DIP2C: variants seen among roughly 807,000 people sequenced by gnomAD.
DIP2C encodes disco-interacting protein 2 homolog C.
A neutral mutation model predicts 192.4 loss-of-function variants in DIP2C; 33 were observed. That is an observed-to-expected ratio of 0.17 (90% CI 0.13 to 0.23). The LOEUF is 0.23. DIP2C is among the 10% of genes least tolerant of loss of function. The probability of loss-of-function intolerance (pLI) is 1.00; values close to 1 mark genes in which losing one functional copy is unlikely to be tolerated. For synonymous variants in DIP2C, 979 were observed against 864.1 expected, an observed-to-expected ratio of 1.13 and a Z score of -2.33; for missense variants, 1,537 against 2,110.1, an observed-to-expected ratio of 0.73 and a Z score of 5.32.
intron 1 of DIP2C, among the ~76,000 whole-genome samples, chr10:492,538 A>G (rs1844520940): frequency 6.6e-6 from 1 of 152,236 alleles, no homozygotes; most frequent in Non-Finnish European, 1.5e-5. Flanking sequence ...CTTAATAAAA[A>G]ACATTATTTA....
At chr10:639,093 CCGT>C (rs1854991843) in intron 1 of DIP2C, among the ~76,000 whole-genome samples, 1 of 118,754 alleles carries the variant, frequency 8.4e-6, no homozygotes, top group African/African-American at 3.0e-5. Flanking sequence ...ACAAGGGGAC[CCGT>C]CAGGTCGGGA....
At chr10:668,718 GCA>G (rs1263384673) in intron 1 of DIP2C, 2 of 152,194 alleles carry the variant, frequency 1.3e-5, no homozygotes, top group Non-Finnish European at 1.5e-5. Context: ...AACAGCACAT[GCA>G]CAGTTTCTAA....
intron 1 of DIP2C, among the ~76,000 whole-genome samples, chr10:538,065 C>T (rs139872658): frequency 1.6e-3 from 242 of 151,912 alleles, no homozygotes; most frequent in African/African-American, 5.5e-3. Context: ...GCTGGGATAA[C>T]AGCCACGAGC....
chr10:623,260 C>T (rs1489808537), intron 1 of DIP2C, among the ~76,000 whole-genome samples: 2 of 150,034 alleles, frequency 1.3e-5, no homozygotes, highest in Admixed American at 6.6e-5. Flanking sequence ...CAGGAACGGG[C>T]GCAGGCATCT....
At chr10:444,930 T>C (rs1350229807) in intron 3 of DIP2C, among the ~76,000 whole-genome samples, 1 of 152,276 alleles carries the variant, frequency 6.6e-6, no homozygotes, top group African/African-American at 2.4e-5. Context: ...CATCTCTCCT[T>C]GGTGAACATC....
At chr10:367,200 A>G (rs181809607) in intron 18 of DIP2C, among the ~76,000 whole-genome samples, 1,918 of 152,182 alleles carry the variant, frequency 0.013, 47 homozygotes, top group East Asian at 0.071. Flanking sequence ...GGCGGATCAC[A>G]AGGTCAGGAG....
intron 1 of DIP2C, among the ~76,000 whole-genome samples, chr10:687,701 C>T (rs1257400811): frequency 6.6e-6 from 1 of 152,224 alleles, no homozygotes; most frequent in Admixed American, 6.5e-5. Context: ...GGCAGCAAGA[C>T]AGTATCACTC....
intron 1 of DIP2C, among the ~76,000 whole-genome samples, chr10:584,439 A>T (rs1219001501): frequency 6.7e-6 from 1 of 148,444 alleles, no homozygotes; most frequent in African/African-American, 2.5e-5. Context: ...CCTGACCCCC[A>T]CTCACGCGCA....
At chr10:416,354 G>C (rs1223142658) in intron 6 of DIP2C, among the ~76,000 whole-genome samples, 1 of 151,980 alleles carries the variant, frequency 6.6e-6, no homozygotes, top group Non-Finnish European at 1.5e-5. Flanking sequence ...ATGGAGGCAC[G>C]AGAACATCGG....
chr10:468,719 CCA>C (rs1970410008), intron 3 of DIP2C, among the ~76,000 whole-genome samples: 1 of 152,108 alleles, frequency 6.6e-6, no homozygotes, highest in Admixed American at 6.5e-5. Context: ...CTGTGTCACA[CCA>C]CAGAGATCAC....
rs376910490 is a variant in DIP2C at position 323,676 on chromosome 10, CTG to C, written c.3924+3328_3924+3329del. On this transcript the variant is annotated intron_variant, in intron 31 of 36. Transcript: ENST00000280886. ...TATCTCAGGGTAGATGGGTTTATGA[CTG>C]TTATTTATAAGCTAAAGTGTATTTT... Among the ~76,000 whole-genome samples, 239 of 152,230 alleles carry C rather than the reference CTG, an allele frequency of 1.6e-3. 2 individuals are homozygous for C. The highest frequency in any genetic ancestry group is 4.7e-3 in the African/African-American group (194 of 41,520).
intron 1 of DIP2C, among the ~76,000 whole-genome samples, chr10:571,314 T>TC (rs1373390520): frequency 6.6e-6 from 1 of 151,234 alleles, no homozygotes; most frequent in Non-Finnish European, 1.5e-5. Flanking sequence ...GCCAATCAGC[T>TC]CCCCCCGGCC....
At position 548,523 on chromosome 10, in the gene DIP2C, C is replaced by G. The variant is rs141734780; in HGVS notation, c.86-61993G>C. Among the ~76,000 whole-genome samples, 195 of 136,296 alleles carry G rather than the reference C, an allele frequency of 1.4e-3. 1 individual carries two copies. Among genetic ancestry groups the G allele is most frequent in the East Asian group, 0.013 (62 of 4,666 alleles). 89.4% of individuals were successfully genotyped at this position (136,296 alleles called of 152,430 possible). On this transcript the variant is annotated intron_variant, in intron 1 of 36. Coordinates refer to ENST00000280886, the MANE Select transcript of DIP2C (RefSeq NM_014974.3). Reference sequence around the variant, plus strand: ...TGTGGCCAGGAGGGAGGGAGGGAGGCAGGCAGGCAGGCAGGCAGGCAGCGA... The same window carrying G: ...TGTGGCCAGGAGGGAGGGAGGGAGGGAGGCAGGCAGGCAGGCAGGCAGCGA...
In DIP2C at chr10:384,561, C is replaced by G; in HGVS notation, c.1741G>C (p.Val581Leu). ...KVNPLSWIQK[V>L]CQYKAKVACV... ...CGAGACCCACCTTTGTACTGGCAGA[C>G]CTTCTGGATCCAGGAGAGAGGGTTC... Residue 581 changes from valine to leucine, a missense_variant, in exon 15 of 37, where the codon GTC becomes CTC. Physicochemically the swap from Val to Leu is conservative, Grantham distance 32 (BLOSUM62 1). Coordinates refer to ENST00000280886, the MANE Select transcript of DIP2C (RefSeq NM_014974.3). The G allele has an allele frequency of 1.2e-6, 2 of 1,613,844 alleles. No homozygotes were observed. The highest frequency in any genetic ancestry group is 1.7e-6 in the Non-Finnish European group (2 of 1,179,994).
intron 1 of DIP2C, among the ~76,000 whole-genome samples, chr10:648,863 G>A (rs1855672156): frequency 6.7e-6 from 1 of 149,828 alleles, no homozygotes; most frequent in Non-Finnish European, 1.5e-5. Context: ...GGAAAACTGA[G>A]TCCACGTCAA....
chr10:478,820 C>T (rs974672709), intron 2 of DIP2C, among the ~76,000 whole-genome samples: 5 of 151,984 alleles, frequency 3.3e-5, no homozygotes, highest in African/African-American at 9.7e-5. Context: ...TCACTCATCG[C>T]GTGTCCGGGC....
intron 1 of DIP2C, among the ~76,000 whole-genome samples, chr10:683,886 A>C (rs1433221217): frequency 6.6e-6 from 1 of 152,252 alleles, no homozygotes; most frequent in Non-Finnish European, 1.5e-5. Flanking sequence ...GGAGGAAGAC[A>C]GTGACTCACA....
intron 4 of DIP2C, among the ~76,000 whole-genome samples, chr10:425,415 G>A (rs111947117): frequency 2.0e-3 from 191 of 94,694 alleles, no homozygotes; most frequent in East Asian, 5.6e-3. Context: ...CGGATGATAC[G>A]GCATGACCAG....
At chr10:412,841 CG>C (rs1965276202) in intron 8 of DIP2C, among the ~76,000 whole-genome samples, 1 of 152,204 alleles carries the variant, frequency 6.6e-6, no homozygotes, top group Admixed American at 6.5e-5. Context: ...TGACAACAGG[CG>C]GAACTATGTA....
Sources: gnomAD v4.1 joint callset for allele counts (sites outside exome capture counted in the v4.1 genomes callset) on GRCh38, gnomAD v4.1.1 for gene constraint, MANE v1.5 for transcripts, NCBI Gene and HGNC (gene_info 2026-07-23, HGNC 2026-07-21) for gene names.